The following KCNQ3 variants were observed in gnomAD, a reference collection of about 807,000 sequenced individuals.
The protein encoded by KCNQ3 is potassium voltage-gated channel subfamily KQT member 3.
A neutral mutation model predicts 92.5 loss-of-function variants in KCNQ3; 30 were observed. The observed-to-expected ratio is 0.32, with a 90% CI of 0.24 to 0.44. KCNQ3 has a LOEUF of 0.44. Ranked by LOEUF, KCNQ3 falls within the 20% of genes least tolerant of loss-of-function variation. The probability of loss-of-function intolerance (pLI) is 1.00; values close to 1 mark genes in which losing one functional copy is unlikely to be tolerated. For missense variants in KCNQ3, 913 were observed against 1,140.3 expected (o/e 0.80, Z 2.87); for synonymous variants, 450 against 468.8 (o/e 0.96, Z 0.52).
chr8:132,166,596 TTTTTCTC>T (rs933884324), intron 8 of KCNQ3, among the ~76,000 whole-genome samples: 5 of 152,140 alleles, frequency 3.3e-5, no homozygotes, highest in Non-Finnish European at 1.5e-5. Context: ...GGCTCTCAGG[TTTTTCTC>T]ATAGAAAATT....
At chr8:132,264,692 G>A (rs1815923549) in intron 1 of KCNQ3, among the ~76,000 whole-genome samples, 1 of 152,190 alleles carries the variant, frequency 6.6e-6, no homozygotes, top group Non-Finnish European at 1.5e-5. Flanking sequence ...GATCCCATTT[G>A]TCTGGCTTTA....
chr8:132,165,820 C>G (rs1456870007), intron 8 of KCNQ3, among the ~76,000 whole-genome samples: 1 of 152,200 alleles, frequency 6.6e-6, no homozygotes, highest in African/African-American at 2.4e-5. Context: ...CTCATTGACT[C>G]TCTTATTCTT....
In KCNQ3 at chr8:132,123,340, A is replaced by T. The variant is rs1462983351; in HGVS notation, c.*5922T>A. On this transcript the variant is annotated 3_prime_UTR_variant, in exon 15 of 15. Transcript: ENST00000388996. ...GGAGGAGTGCCTGCATGGCCATGGGATTGTTCTTCATTCCCTTTCTCAACT... is the reference window on the plus strand; with the variant it reads ...GGAGGAGTGCCTGCATGGCCATGGGTTTGTTCTTCATTCCCTTTCTCAACT... The T allele has an allele frequency of 6.6e-6, 1 of 152,238 alleles. No homozygotes were observed. Among genetic ancestry groups the T allele is most frequent in the African/African-American group, 2.4e-5 (1 of 41,410 alleles). 9.4% of individuals were successfully genotyped at this position (152,238 alleles called of 1,614,324 possible).
chr8:132,214,912 C>T (rs1382491978), intron 1 of KCNQ3, among the ~76,000 whole-genome samples: 1 of 152,238 alleles, frequency 6.6e-6, no homozygotes, highest in Non-Finnish European at 1.5e-5. Flanking sequence ...TTAGACCTTC[C>T]TCAATCAACT....
intron 1 of KCNQ3, among the ~76,000 whole-genome samples, chr8:132,473,023 A>C (rs933492759): frequency 6.6e-6 from 1 of 152,236 alleles, no homozygotes; most frequent in Admixed American, 6.5e-5. Context: ...GAAACAGCAG[A>C]GTTAAATGCA....
At chr8:132,444,676 C>A (rs147161398) in intron 1 of KCNQ3, among the ~76,000 whole-genome samples, 77 of 152,246 alleles carry the variant, frequency 5.1e-4, no homozygotes, top group Admixed American at 3.5e-3. Flanking sequence ...GAGACAGATG[C>A]ACAGTGTGAC....
chr8:132,463,351 ACAAATGGTATTCACAGCCCTGACAGC>A (rs1473584889), intron 1 of KCNQ3, among the ~76,000 whole-genome samples: 2 of 152,240 alleles, frequency 1.3e-5, no homozygotes, highest in Non-Finnish European at 2.9e-5. Context: ...TAGTTGAGCC[ACAAATGGTATTCACAGCCCTGACAGC>A]CAAAGCAAAC....
chr8:132,424,470 T>C (rs1415804592), intron 1 of KCNQ3, among the ~76,000 whole-genome samples: 1 of 152,170 alleles, frequency 6.6e-6, no homozygotes, highest in Non-Finnish European at 1.5e-5. Flanking sequence ...AAATAGATTG[T>C]TTCAAGTCCC....
At chr8:132,454,847 A>T (rs1821902647) in intron 1 of KCNQ3, among the ~76,000 whole-genome samples, 2 of 152,242 alleles carry the variant, frequency 1.3e-5, no homozygotes, top group Non-Finnish European at 2.9e-5. Flanking sequence ...TTATACAGCC[A>T]CTAAAAGGAA....
At chr8:132,202,979 A>T (rs993698186) in intron 1 of KCNQ3, among the ~76,000 whole-genome samples, 39 of 18,710 alleles carry the variant, frequency 2.1e-3, no homozygotes, top group African/African-American at 0.011. Flanking sequence ...ATTTATTTTA[A>T]AAAAAATTGT....
At position 132,289,948 on chromosome 8, in the gene KCNQ3, C is replaced by T. The variant is rs1816793897; in HGVS notation, c.387-103767G>A. ...AGAGCTAAGTCCCAGTGACACAATT[C>T]TACTTGCTGTCTCTTTTGTAGACTC... On this transcript the variant is annotated intron_variant, in intron 1 of 14. Coordinates refer to ENST00000388996, the MANE Select transcript of KCNQ3 (RefSeq NM_004519.4). Among the ~76,000 whole-genome samples the T allele has an allele frequency of 1.3e-5, 2 of 152,190 alleles. 1 individual carries two copies. Among genetic ancestry groups the T allele is most frequent in the Admixed American group, 1.3e-4 (2 of 15,274 alleles).
chr8:132,398,090 A>C (rs1820239585), intron 1 of KCNQ3, among the ~76,000 whole-genome samples: 1 of 152,244 alleles, frequency 6.6e-6, no homozygotes, highest in African/African-American at 2.4e-5. Context: ...CCAGAGAAAC[A>C]ACAAATTCCA....
At chr8:132,475,926 A>G (rs1056407345) in intron 1 of KCNQ3, among the ~76,000 whole-genome samples, 3 of 152,228 alleles carry the variant, frequency 2.0e-5, no homozygotes, top group African/African-American at 7.2e-5. Context: ...TAGGGGGGAA[A>G]AATGGTTTCC....
chr8:132,224,788 A>T (rs1161792284), intron 1 of KCNQ3, among the ~76,000 whole-genome samples: 1 of 152,158 alleles, frequency 6.6e-6, no homozygotes, highest in African/African-American at 2.4e-5. Context: ...CTCTGTCCTA[A>T]CTTTCCATTC....
chr8:132,334,369 G>T (rs983145924), intron 1 of KCNQ3, among the ~76,000 whole-genome samples: 2 of 151,748 alleles, frequency 1.3e-5, no homozygotes, highest in Non-Finnish European at 2.9e-5. Context: ...GCTACTCAGG[G>T]GGCTGAGGCA....
At chr8:132,296,111 T>G (rs1008492200) in intron 1 of KCNQ3, among the ~76,000 whole-genome samples, 1 of 152,232 alleles carries the variant, frequency 6.6e-6, no homozygotes, top group African/African-American at 2.4e-5. Flanking sequence ...ATTTTAAATT[T>G]TATTTGCCTA....
Position 132,124,963 on chromosome 8 carries a change from T to C in KCNQ3, c.*4299A>G, listed in dbSNP as rs1408099726. 1 of 152,242 alleles carries C rather than the reference T, an allele frequency of 6.6e-6. No homozygotes were observed. Among genetic ancestry groups the C allele is most frequent in the Non-Finnish European group, 1.5e-5 (1 of 68,060 alleles). The allele number at this position is 152,242 out of a possible 1,614,324, so 9.4% of individuals were successfully genotyped here. On this transcript the variant is annotated 3_prime_UTR_variant, in exon 15 of 15. Coordinates refer to ENST00000388996, the MANE Select transcript of KCNQ3 (RefSeq NM_004519.4). ...CTTCTCTTGCCCCAGGAGAATTTGA[T>C]CTGCAGGTTCCCATAAGTAGAGTAA...
chr8:132,126,439 T>C lies in KCNQ3; in HGVS notation c.*2823A>G, dbSNP rs1467968294. ...CATAGGCAACTTGAGCAGGTTTGGT[T>C]TGCCTTTCTGGAATATATTTTTTGG... is the stretch of plus-strand genomic sequence containing the variant. On this transcript the variant is annotated 3_prime_UTR_variant, in exon 15 of 15. Transcript: ENST00000388996. 2.0e-5 allele frequency: 3 copies of C among 152,208 alleles called. No homozygotes were observed. The highest frequency in any genetic ancestry group is 4.4e-5 in the Non-Finnish European group (3 of 68,044). The allele number at this position is 152,208 out of a possible 1,614,324, so 9.4% of individuals were successfully genotyped here.
At chr8:132,256,126 G>A (rs1014785400) in intron 1 of KCNQ3, among the ~76,000 whole-genome samples, 1 of 151,498 alleles carries the variant, frequency 6.6e-6, no homozygotes, top group Non-Finnish European at 1.5e-5. Context: ...AAGAACTAAA[G>A]AAAATATGAA....
Sources: allele counts gnomAD v4.1 joint callset (sites outside exome capture counted in the v4.1 genomes callset), GRCh38; gene constraint gnomAD v4.1.1; transcripts MANE v1.5; gene names NCBI Gene and HGNC (gene_info 2026-07-23, HGNC 2026-07-21).